The following PAK6 variants were observed in gnomAD, a reference collection of about 807,000 sequenced individuals.
The protein encoded by PAK6 is p21 (RAC1) activated kinase 6, also known as serine/threonine-protein kinase PAK 6.
PAK6 carries 33 observed loss-of-function variants against 60.8 expected under a neutral mutation model. The ratio of observed to expected loss-of-function variants is 0.54; its 90% CI spans 0.41 to 0.73. PAK6 has a LOEUF of 0.73. Among genes scored for constraint, PAK6 ranks in the 30% least tolerant of loss-of-function variants. PAK6 has a pLI of 0.00. For missense variants in PAK6, 845 were observed against 904.1 expected, an observed-to-expected ratio of 0.93 and a Z score of 0.84; for synonymous variants, 404 against 378.5, an observed-to-expected ratio of 1.07 and a Z score of -0.78.
chr15:40,252,185 T>C, intron 2 of PAK6: 1 of 955,128 alleles, frequency 1.0e-6, no homozygotes, highest in Non-Finnish European at 1.4e-6. Flanking sequence ...GATGTGTGGG[T>C]GGGCACACGC....
Position 40,273,138 on chromosome 15 carries a change from G to A in PAK6, c.1490+139G>A, listed in dbSNP as rs114844526. ...TGCCTGCTGGGGTAACTGAGACCCAGGGGTCTTGGGAGTGGAGAAGAGAAG... is the reference window on the plus strand; with the variant it reads ...TGCCTGCTGGGGTAACTGAGACCCAAGGGTCTTGGGAGTGGAGAAGAGAAG... On this transcript the variant is annotated intron_variant, in intron 7 of 10. Coordinates refer to ENST00000560346, the Ensembl canonical transcript of PAK6. The A allele has an allele frequency of 1.7e-3, 2,037 of 1,232,674 alleles. 23 individuals are homozygous for A. In the African/African-American group the frequency reaches 0.026, roughly 16 times the overall value. The allele number at this position is 1,232,674 out of a possible 1,614,324, so 76.4% of individuals were successfully genotyped here. A position where few individuals can be genotyped will look rare whatever the true frequency, so the allele number is the denominator to read the frequency against.
chr15:40,274,185 A>T (rs564064166), exon 10 of PAK6: 2 of 1,613,970 alleles, frequency 1.2e-6, no homozygotes, highest in Non-Finnish European at 1.7e-6. Context: ...GAGATGGTAG[A>T]TGGGGAGCCA....
chr15:40,269,322 G>A (rs1436639325), intron 5 of PAK6, among the ~76,000 whole-genome samples: 1 of 152,122 alleles, frequency 6.6e-6, no homozygotes, highest in Non-Finnish European at 1.5e-5. Context: ...TGCCAGGCCG[G>A]CTTTATTATT....
intron 7 of PAK6, 135 bp from the exon 8 acceptor site, chr15:40,273,211 G>A (rs1829461783): frequency 1.7e-6 from 2 of 1,211,060 alleles, no homozygotes; most frequent in African/African-American, 1.5e-5. Flanking sequence ...CAGGGCTATG[G>A]CCTGACTGTG....
intron 5 of PAK6, among the ~76,000 whole-genome samples, chr15:40,271,004 A>G (rs1463684028): frequency 1.3e-5 from 2 of 152,164 alleles, no homozygotes; most frequent in East Asian, 3.9e-4. Flanking sequence ...TCCCAGCCCA[A>G]ACTTACTGCT....
chr15:40,267,189 C>CA (rs2039166027), intron 5 of PAK6, among the ~76,000 whole-genome samples: 1 of 149,302 alleles, frequency 6.7e-6, no homozygotes, highest in Non-Finnish European at 1.5e-5. Flanking sequence ...CGGCTGCTGA[C>CA]AGTGGCATGG....
chr15:40,261,614 T>G lies in PAK6; in HGVS notation c.-5-3167T>G, dbSNP rs571151013. 2.6e-5 allele frequency among the ~76,000 whole-genome samples: 4 copies of G among 152,276 alleles called. No individual in the cohort carries two copies. In the East Asian group the frequency reaches 7.7e-4, roughly 29 times the overall value. On this transcript the variant is annotated intron_variant, in intron 3 of 10. Transcript: ENST00000560346. ...TCCCTTAATCCCAGTTTTATGTAGA[T>G]TCTCCCGCATTTTCTACTTACACAG...
At chr15:40,274,246 C>G (rs774088079) in exon 10 of PAK6, 19 of 1,610,482 alleles carry the variant, frequency 1.2e-5, no homozygotes, top group Non-Finnish European at 8.5e-7. Flanking sequence ...TCCGGGACAG[C>G]CCCCCACCCA....
At chr15:40,266,264 C>T (rs969424209) in exon 5 of PAK6, 14 of 1,611,096 alleles carry the variant, frequency 8.7e-6, no homozygotes, top group Middle Eastern at 1.7e-4. Flanking sequence ...CCTCGCCCCC[C>T]ACGGGCACCA....
chr15:40,252,592 G>C (rs1193789850), intron 2 of PAK6: 1 of 1,355,618 alleles, frequency 7.4e-7, no homozygotes, highest in Non-Finnish European at 9.8e-7. Flanking sequence ...ACGTGTAAGC[G>C]CGGCCCCTCC....
chr15:40,273,349 G>C (rs146088177), exon 8 of PAK6: 33 of 1,613,688 alleles, frequency 2.0e-5, no homozygotes, highest in Non-Finnish European at 2.8e-5. Flanking sequence ...TGTCCAGGCT[G>C]AATGAGGAGC....
At chr15:40,243,852 G>A (rs2038424393) in intron 2 of PAK6, among the ~76,000 whole-genome samples, 1 of 152,238 alleles carries the variant, frequency 6.6e-6, no homozygotes, top group African/African-American at 2.4e-5. Context: ...CGAGAGCCGG[G>A]CTGTGGCCCT....
rs562943901 is a variant in PAK6, at chr15:40,245,173, G to A, written c.-118+4492G>A. The A allele has an allele frequency of 7.2e-5, 11 of 152,434 alleles. No homozygotes were observed. In the South Asian group the frequency reaches 2.3e-3, roughly 32 times the overall value. 9.4% of individuals were successfully genotyped at this position (152,434 alleles called of 1,614,324 possible). On this transcript the variant is annotated intron_variant, in intron 2 of 10. Coordinates refer to ENST00000560346, the Ensembl canonical transcript of PAK6. ...GAGCTGTGTCCTTCAGGCTGTCAAG[G>A]ACCTGGTGAGGGATCCTCTGGGTGT...
rs111949849 is a variant in PAK6, at chr15:40,267,923, G to C, written c.858+1428G>C. On this transcript the variant is annotated intron_variant, in intron 5 of 10. Coordinates refer to ENST00000560346, the Ensembl canonical transcript of PAK6. ...CTCTGTCTCTCAGGAGTCCTGCTGC[G>C]AGGCCTCAGGGATTTGGAGAAAGGG... 1.3e-3 allele frequency among the ~76,000 whole-genome samples: 192 copies of C among 152,274 alleles called. 6 individuals are homozygous for C. Among genetic ancestry groups the C allele is most frequent in the African/African-American group, 4.5e-3 (189 of 41,546 alleles).
At chr15:40,258,035 T>C (rs1426643731) in intron 3 of PAK6, among the ~76,000 whole-genome samples, 1 of 152,222 alleles carries the variant, frequency 6.6e-6, no homozygotes, top group East Asian at 1.9e-4. Context: ...CTGTAGCTTT[T>C]CCTAGATGCC....
chr15:40,250,219 G>A (rs982770180), intron 2 of PAK6, among the ~76,000 whole-genome samples: 1 of 152,226 alleles, frequency 6.6e-6, no homozygotes, highest in African/African-American at 2.4e-5. Context: ...GTCACACACA[G>A]GAATTAATCA....
At chr15:40,240,562 CTTTTTTTTTTT>C in intron 1 of PAK6, 26 bp from the exon 2 acceptor site, 1 of 320,512 alleles carries the variant, frequency 3.1e-6, no homozygotes, top group South Asian at 2.1e-5. Flanking sequence ...TTTTCTTTTC[CTTTTTTTTTTT>C]TTTTTTTTTT....
intron 3 of PAK6, chr15:40,257,052 A>G (rs1595579812): frequency 6.6e-6 from 1 of 152,310 alleles, no homozygotes; most frequent in East Asian, 1.9e-4. Context: ...ACGCTGAGCC[A>G]GCACTCGGGC....
chr15:40,265,777 T>TGCC, intron 4 of PAK6, 65 bp from the exon 5 acceptor site: 3 of 1,445,924 alleles, frequency 2.1e-6, no homozygotes. Context: ...GACCCTGATC[T>TGCC]CCCAGCCACC....
Sources: gnomAD v4.1 joint callset for allele counts (sites outside exome capture counted in the v4.1 genomes callset) on GRCh38, gnomAD v4.1.1 for gene constraint, MANE v1.5 for transcripts, NCBI Gene and HGNC (gene_info 2026-07-23, HGNC 2026-07-21) for gene names.